The following SLC39A11 variants were observed in gnomAD, a reference collection of about 807,000 sequenced individuals.
SLC39A11 encodes the protein solute carrier family 39 member 11, also known as zinc transporter ZIP11.
In SLC39A11, 33 loss-of-function variants were observed where a neutral mutation model predicts 36.1. The observed-to-expected ratio is 0.91, with a 90% confidence interval of 0.69 to 1.22. The LOEUF is 1.22. Among genes scored for constraint, SLC39A11 ranks in the 50% most tolerant of loss-of-function variants. SLC39A11 has a pLI of 0.00. For synonymous variants in SLC39A11, 166 were observed against 170.3 expected (o/e 0.97, Z 0.20); for missense variants, 432 against 430.3 (o/e 1.00, Z -0.03).
intron 5 of SLC39A11, among the ~76,000 whole-genome samples, chr17:72,911,012 G>C (rs2082962866): frequency 6.6e-6 from 1 of 151,862 alleles, no homozygotes; most frequent in African/African-American, 2.4e-5. Flanking sequence ...ACCTCCGTGG[G>C]ACTTCTACTC....
chr17:72,696,989 C>T (rs1410673466), intron 7 of SLC39A11, among the ~76,000 whole-genome samples: 1 of 152,252 alleles, frequency 6.6e-6, no homozygotes, highest in East Asian at 1.9e-4. Context: ...TGTTCTACTA[C>T]ATTCTGCCCA....
chr17:72,661,030 A>T (rs2070387983), intron 7 of SLC39A11, among the ~76,000 whole-genome samples: 1 of 152,166 alleles, frequency 6.6e-6, no homozygotes, highest in South Asian at 2.1e-4. Context: ...AGAACACCTG[A>T]TCTCACGCAT....
In SLC39A11 at chr17:72,652,064, A is replaced by C. The variant is rs543194947; in HGVS notation, c.672-2796T>G. On this transcript the variant is annotated intron_variant, in intron 7 of 9. Transcript: ENST00000255559. ...ATATTTGAGGTTTTGCAGTCCACTGAGTCTCTGTTGCAACCACTCAACTCT... is the reference window on the plus strand; with the variant it reads ...ATATTTGAGGTTTTGCAGTCCACTGCGTCTCTGTTGCAACCACTCAACTCT... Among the ~76,000 whole-genome samples the C allele has an allele frequency of 2.6e-5, 4 of 152,320 alleles. No homozygotes were observed. In the South Asian group the frequency reaches 8.3e-4, roughly 32 times the overall value.
intron 5 of SLC39A11, among the ~76,000 whole-genome samples, chr17:72,913,278 C>CTG (rs2083132668): frequency 6.6e-6 from 1 of 152,052 alleles, no homozygotes; most frequent in Non-Finnish European, 1.5e-5. Context: ...ACAGCGGACA[C>CTG]TGTCATAAGT....
chr17:73,027,243 TCCTG>T lies in SLC39A11; in HGVS notation c.306+4309_306+4312del, dbSNP rs373718928. Among the ~76,000 whole-genome samples, 163 of 152,356 alleles carry T rather than the reference TCCTG, an allele frequency of 1.1e-3. No individual in the cohort carries two copies. In the East Asian group the frequency reaches 0.017, roughly 16 times the overall value. On this transcript the variant is annotated intron_variant, in intron 4 of 9. Coordinates refer to ENST00000255559, the MANE Select transcript of SLC39A11 (RefSeq NM_139177.4). Reference sequence around the variant, plus strand: ...AATGTCTCCAAACAGCTGTTCAGTGTCCTGTCTGTTTCTGCCTAGAACCATCCTA... The same window carrying T: ...AATGTCTCCAAACAGCTGTTCAGTGTTCTGTTTCTGCCTAGAACCATCCTA...
intron 7 of SLC39A11, among the ~76,000 whole-genome samples, chr17:72,701,405 TTC>T (rs546309816): frequency 1.2e-3 from 182 of 152,220 alleles, no homozygotes; most frequent in Non-Finnish European, 1.9e-3. Flanking sequence ...AAAGAGCTCT[TTC>T]AAGAGATAGT....
intron 7 of SLC39A11, among the ~76,000 whole-genome samples, chr17:72,669,208 T>A (rs1363981886): frequency 6.6e-6 from 1 of 152,252 alleles, no homozygotes; most frequent in Non-Finnish European, 1.5e-5. Context: ...CTCGAAAATG[T>A]ACGTAACTGT....
intron 4 of SLC39A11, among the ~76,000 whole-genome samples, chr17:72,954,837 A>G (rs1329297629): frequency 6.6e-6 from 1 of 152,172 alleles, no homozygotes; most frequent in African/African-American, 2.4e-5. Flanking sequence ...AGAAGCAAAC[A>G]GGGACACAGA....
At chr17:72,872,537 G>A (rs1187358976) in intron 5 of SLC39A11, among the ~76,000 whole-genome samples, 2 of 152,172 alleles carry the variant, frequency 1.3e-5, no homozygotes, top group East Asian at 3.9e-4. Flanking sequence ...CTGCCTTTGC[G>A]AAAATTATGA....
intron 4 of SLC39A11, among the ~76,000 whole-genome samples, chr17:73,012,040 C>T (rs373327430): frequency 1.3e-5 from 2 of 149,228 alleles, no homozygotes; most frequent in Non-Finnish European, 3.0e-5. Context: ...TTTGGGAGGC[C>T]GAGGCGTGTA....
intron 6 of SLC39A11, among the ~76,000 whole-genome samples, chr17:72,761,949 G>T (rs1277780256): frequency 1.3e-5 from 2 of 152,300 alleles, no homozygotes; most frequent in African/African-American, 2.4e-5. Flanking sequence ...CCCATTCTGG[G>T]GTCAGTTATG....
chr17:73,066,942 T>C (rs952672158), intron 3 of SLC39A11, among the ~76,000 whole-genome samples: 4 of 152,242 alleles, frequency 2.6e-5, no homozygotes, highest in Admixed American at 6.5e-5. Context: ...AAGGGACTTA[T>C]TTTTATCGTA....
chr17:72,862,560 G>T (rs375773016), intron 5 of SLC39A11, among the ~76,000 whole-genome samples: 2 of 152,152 alleles, frequency 1.3e-5, no homozygotes, highest in East Asian at 3.9e-4. Flanking sequence ...GAATGGCTTA[G>T]TTCCTAATGG....
chr17:72,803,220 AT>A (rs2077152564), intron 6 of SLC39A11, among the ~76,000 whole-genome samples: 1 of 152,164 alleles, frequency 6.6e-6, no homozygotes, highest in Non-Finnish European at 1.5e-5. Flanking sequence ...GTGCAGCCCC[AT>A]CCCTCTGGCG....
chr17:72,795,492 C>T (rs1177884960), intron 6 of SLC39A11, among the ~76,000 whole-genome samples: 2 of 152,120 alleles, frequency 1.3e-5, no homozygotes, highest in Non-Finnish European at 2.9e-5. Context: ...AAGATGGAAG[C>T]CACAGAGACT....
rs745916077 is a variant in SLC39A11 at position 72,700,664 on chromosome 17, A to G, written c.671+35986T>C. The stretch of plus-strand genomic sequence containing the variant: ...GTCCGTTTTCACGCTGTTCATAAAG[A>G]CATACCCAAGACTGGGCAATGTACA... On this transcript the variant is annotated intron_variant, in intron 7 of 9. Transcript: ENST00000255559. 3.3e-5 allele frequency among the ~76,000 whole-genome samples: 5 copies of G among 152,232 alleles called. No homozygotes were observed. In the East Asian group the frequency reaches 9.6e-4, roughly 29 times the overall value.
chr17:72,773,678 C>CA (rs58841287), intron 6 of SLC39A11, among the ~76,000 whole-genome samples: 41,585 of 148,694 alleles, frequency 0.28, 6,116 homozygotes, highest in African/African-American at 0.39. Flanking sequence ...CACACACACA[C>CA]CCAGTATATA....
intron 7 of SLC39A11, among the ~76,000 whole-genome samples, chr17:72,662,271 GA>G (rs1486176876): frequency 6.8e-6 from 1 of 147,838 alleles, no homozygotes; most frequent in Non-Finnish European, 1.5e-5. Context: ...CCTTTTTTTA[GA>G]AAGAAAAGAA....
intron 7 of SLC39A11, among the ~76,000 whole-genome samples, chr17:72,736,265 G>C (rs1170734399): frequency 6.6e-6 from 1 of 152,118 alleles, no homozygotes; most frequent in African/African-American, 2.4e-5. Flanking sequence ...GAAAGAGAGA[G>C]GGAAACGAAG....
Sources: gnomAD v4.1 joint callset for allele counts (sites outside exome capture counted in the v4.1 genomes callset) on GRCh38, gnomAD v4.1.1 for gene constraint, MANE v1.5 for transcripts, NCBI Gene and HGNC (gene_info 2026-07-23, HGNC 2026-07-21) for gene names.